The following EYA4 variants were observed in gnomAD, a reference collection of about 807,000 sequenced individuals.
EYA4 encodes EYA transcriptional coactivator and phosphatase 4.
A neutral mutation model predicts 87.9 loss-of-function variants in EYA4; 31 were observed. The observed-to-expected ratio is 0.35, with a 90% CI of 0.27 to 0.48. The LOEUF (loss-of-function observed/expected upper bound fraction) is 0.48, where lower values mean the gene tolerates loss of function less well. Among genes scored for constraint, EYA4 ranks in the 20% least tolerant of loss-of-function variants. The pLI is 0.99. For synonymous variants in EYA4, 263 were observed against 270.6 expected (o/e 0.97, Z 0.28); for missense variants, 678 against 761.4 (o/e 0.89, Z 1.29).
chr6:133,330,558 T>TAC (rs1781850854), intron 2 of EYA4, among the ~76,000 whole-genome samples: 1 of 57,360 alleles, frequency 1.7e-5, no homozygotes, highest in Non-Finnish European at 3.3e-5. Flanking sequence ...TTTATATATA[T>TAC]ATATATATAT....
At chr6:133,247,641 C>T (rs1230051055) in intron 1 of EYA4, 2 of 152,100 alleles carry the variant, frequency 1.3e-5, no homozygotes, top group Non-Finnish European at 2.9e-5. Flanking sequence ...AGTATTTTTC[C>T]ACTGAAGCAG....
chr6:133,329,690 T>C (rs1781770226), intron 2 of EYA4, among the ~76,000 whole-genome samples: 1 of 152,114 alleles, frequency 6.6e-6, no homozygotes, highest in African/African-American at 2.4e-5. Context: ...TGAAATATAA[T>C]GGTGCTTGGT....
chr6:133,245,403 A>C (rs1296697278), intron 1 of EYA4, among the ~76,000 whole-genome samples: 1 of 152,182 alleles, frequency 6.6e-6, no homozygotes, highest in Non-Finnish European at 1.5e-5. Context: ...TCTTTTTCTA[A>C]ATGGATATTA....
intron 19 of EYA4, among the ~76,000 whole-genome samples, chr6:133,527,724 A>C (rs1456508917): frequency 6.6e-6 from 1 of 152,192 alleles, no homozygotes; most frequent in Non-Finnish European, 1.5e-5. Context: ...ATATAGCAAT[A>C]AGGATTATTA....
rs1583218825 is a variant in EYA4 at position 133,416,190 on chromosome 6, A to C, written c.84-30440A>C. On this transcript the variant is annotated intron_variant, in intron 3 of 19. Coordinates refer to ENST00000355286, the MANE Select transcript of EYA4 (RefSeq NM_004100.5). ...ATGGAGGGAATACTCAGGCTACAGT[A>C]TCAATAATGGATTTGAAGAAGATGA... Among the ~76,000 whole-genome samples, 3 of 152,242 alleles carry C rather than the reference A, an allele frequency of 2.0e-5. No individual in the cohort carries two copies. In the East Asian group the frequency reaches 5.8e-4, roughly 29 times the overall value.
intron 3 of EYA4, among the ~76,000 whole-genome samples, chr6:133,445,781 C>G (rs1392775464): frequency 6.6e-6 from 1 of 151,998 alleles, no homozygotes; most frequent in Non-Finnish European, 1.5e-5. Flanking sequence ...GGGGTTTCAC[C>G]GTGTTAGCCA....
intron 3 of EYA4, among the ~76,000 whole-genome samples, chr6:133,446,047 C>T (rs1225970935): frequency 6.6e-6 from 1 of 151,970 alleles, no homozygotes; most frequent in Non-Finnish European, 1.5e-5. Flanking sequence ...TTTTTGACTC[C>T]CTGGGTCAAC....
chr6:133,497,407 G>A (rs1439781476), intron 13 of EYA4, among the ~76,000 whole-genome samples: 1 of 152,006 alleles, frequency 6.6e-6, no homozygotes, highest in African/African-American at 2.4e-5. Flanking sequence ...TTCCTAATGG[G>A]TTATCACTTT....
intron 6 of EYA4, among the ~76,000 whole-genome samples, chr6:133,457,488 AT>A (rs1268421339): frequency 1.3e-5 from 2 of 151,994 alleles, no homozygotes. Flanking sequence ...TGTTATAAGG[AT>A]TTTTTTGTCA....
At chr6:133,275,874 A>C (rs971988176) in intron 2 of EYA4, among the ~76,000 whole-genome samples, 4 of 152,348 alleles carry the variant, frequency 2.6e-5, no homozygotes, top group Middle Eastern at 3.4e-3. Context: ...AAATGTAACA[A>C]AAAATTATAA....
At position 133,426,655 on chromosome 6, in the gene EYA4, A is replaced by G. The variant is rs55821822; in HGVS notation, c.84-19975A>G. Among the ~76,000 whole-genome samples, 1,336 of 152,250 alleles carry G rather than the reference A, an allele frequency of 8.8e-3. 17 individuals are homozygous for G. The highest frequency in any genetic ancestry group is 0.048 in the Middle Eastern group (14 of 294). On this transcript the variant is annotated intron_variant, in intron 3 of 19. Coordinates refer to ENST00000355286, the MANE Select transcript of EYA4 (RefSeq NM_004100.5). Reference sequence around the variant, plus strand: ...TACTCTAATAATCAGACTTTTTTCTATTGTATAACACAGTCTCCATTTCAG... The same window carrying G: ...TACTCTAATAATCAGACTTTTTTCTGTTGTATAACACAGTCTCCATTTCAG...
chr6:133,293,757 G>T (rs1005301973), intron 2 of EYA4, among the ~76,000 whole-genome samples: 1 of 151,676 alleles, frequency 6.6e-6, no homozygotes, highest in African/African-American at 2.4e-5. Context: ...GCAACATGGT[G>T]AAACCCCATC....
At chr6:133,254,737 C>A (rs4895959) in intron 1 of EYA4, among the ~76,000 whole-genome samples, 91,866 of 151,956 alleles carry the variant, frequency 0.6, 28,276 homozygotes, top group African/African-American at 0.7. Context: ...TATTTATCAG[C>A]GTCAGATGAT....
intron 3 of EYA4, among the ~76,000 whole-genome samples, chr6:133,424,213 C>A (rs1031751678): frequency 6.6e-6 from 1 of 152,160 alleles, no homozygotes; most frequent in Non-Finnish European, 1.5e-5. Context: ...AGGGCTTTTA[C>A]AGACCTCAGA....
intron 2 of EYA4, among the ~76,000 whole-genome samples, chr6:133,371,624 G>A (rs924440875): frequency 2.0e-5 from 3 of 152,076 alleles, no homozygotes; most frequent in Non-Finnish European, 4.4e-5. Flanking sequence ...TCTTCTCCAA[G>A]TTCCTTATAA....
Position 133,530,418 on chromosome 6 carries a change from G to A in EYA4, c.*1613G>A. ...TTCCTATGACACGATTTCCCTTGTG[G>A]AAATTTAAGACTTTAAGAACTAGAG... On this transcript the variant is annotated 3_prime_UTR_variant, in exon 20 of 20. Transcript: ENST00000355286. 4 of 985,472 alleles carry A rather than the reference G, an allele frequency of 4.1e-6. No individual in the cohort carries two copies. Among genetic ancestry groups the A allele is most frequent in the Non-Finnish European group, 4.8e-6 (4 of 829,922 alleles). 61.0% of individuals were successfully genotyped at this position (985,472 alleles called of 1,614,324 possible).
intron 10 of EYA4, among the ~76,000 whole-genome samples, chr6:133,465,428 C>T (rs1313453386): frequency 6.6e-6 from 1 of 152,114 alleles, no homozygotes; most frequent in African/African-American, 2.4e-5. Flanking sequence ...TTGCTTTTGT[C>T]ACTGTGCCTG....
intron 2 of EYA4, among the ~76,000 whole-genome samples, chr6:133,305,786 C>T (rs1779758403): frequency 6.6e-6 from 1 of 152,128 alleles, no homozygotes; most frequent in Non-Finnish European, 1.5e-5. Context: ...TTCAGGACCA[C>T]AGAATTGGTA....
intron 13 of EYA4, among the ~76,000 whole-genome samples, chr6:133,483,886 G>A (rs1796468774): frequency 6.6e-6 from 1 of 151,744 alleles, no homozygotes; most frequent in Non-Finnish European, 1.5e-5. Flanking sequence ...ACCATGCCTG[G>A]CTAATTTTTG....
Sources: allele counts gnomAD v4.1 joint callset (sites outside exome capture counted in the v4.1 genomes callset), GRCh38; gene constraint gnomAD v4.1.1; transcripts MANE v1.5; gene names NCBI Gene and HGNC (gene_info 2026-07-23, HGNC 2026-07-21).